The following SETD5 variants were observed in gnomAD, a reference collection of about 807,000 sequenced individuals.
The protein encoded by SETD5 is histone-lysine N-methyltransferase SETD5.
SETD5 carries 44 observed loss-of-function variants against 153.3 expected under a neutral mutation model. That is an observed-to-expected ratio of 0.29 (90% CI 0.23 to 0.37). The LOEUF is 0.37. Among genes scored for constraint, SETD5 ranks in the 10% least tolerant of loss-of-function variants. SETD5 has a pLI of 1.00. For missense variants in SETD5, 1,544 were observed against 1,768.0 expected (o/e 0.87, Z 2.27); for synonymous variants, 716 against 645.2 (o/e 1.11, Z -1.66).
chr3:9,429,609 C>T (rs1293377387), intron 3 of SETD5, among the ~76,000 whole-genome samples: 1 of 150,956 alleles, frequency 6.6e-6, no homozygotes, highest in Non-Finnish European at 1.5e-5. Context: ...TCCAAAGGCC[C>T]AATCCCTAAA....
intron 1 of SETD5, among the ~76,000 whole-genome samples, chr3:9,421,682 A>G (rs2038430880): frequency 6.6e-6 from 1 of 152,204 alleles, no homozygotes; most frequent in African/African-American, 2.4e-5. Context: ...TTGAATAATC[A>G]AGTTCAGAAA....
intron 1 of SETD5, among the ~76,000 whole-genome samples, chr3:9,418,529 A>T (rs1024597076): frequency 2.0e-5 from 3 of 152,162 alleles, no homozygotes; most frequent in Non-Finnish European, 2.9e-5. Context: ...TTTACAGGAC[A>T]TCCAGTCAGT....
chr3:9,469,096 C>T lies in SETD5; in HGVS notation c.2725-1363C>T, dbSNP rs539444698. On this transcript the variant is annotated intron_variant, in intron 18 of 22. Transcript: ENST00000402198. ...GCTTCTTCAGGAAGGGAAAGTCATTCTGTCTTTCAGCTTTCCTACATTTTC... is the reference window on the plus strand; with the variant it reads ...GCTTCTTCAGGAAGGGAAAGTCATTTTGTCTTTCAGCTTTCCTACATTTTC... 3.7e-4 allele frequency among the ~76,000 whole-genome samples: 57 copies of T among 152,240 alleles called. 1 individual carries two copies. The South Asian group carries it at 0.012, about 32-fold the overall frequency.
chr3:9,472,068 G>A (rs990120384), intron 19 of SETD5, among the ~76,000 whole-genome samples: 1 of 152,170 alleles, frequency 6.6e-6, no homozygotes, highest in Admixed American at 6.5e-5. Context: ...AATTGATTTC[G>A]AAGATTGTTG....
At chr3:9,454,622 C>CAAAAAAAAAAAAAAAAAA (rs67028533) in intron 17 of SETD5, among the ~76,000 whole-genome samples, 2 of 57,986 alleles carry the variant, frequency 3.4e-5, no homozygotes, top group Non-Finnish European at 6.3e-5. Context: ...AACTCCGTCT[C>CAAAAAAAAAAAAAAAAAA]AAAAAAAAAA....
intron 18 of SETD5, among the ~76,000 whole-genome samples, chr3:9,467,017 A>G (rs1205194738): frequency 1.3e-5 from 2 of 151,914 alleles, no homozygotes; most frequent in Non-Finnish European, 2.9e-5. Context: ...CAACAGTGAG[A>G]TCCCATCTCT....
intron 1 of SETD5, among the ~76,000 whole-genome samples, chr3:9,417,833 A>T (rs148431962): frequency 6.7e-6 from 1 of 149,184 alleles, no homozygotes; most frequent in Admixed American, 6.7e-5. Context: ...TTTTCCCCAC[A>T]TATTCTAAAA....
At chr3:9,399,827 CAAAAA>C (rs33940536) in intron 1 of SETD5, among the ~76,000 whole-genome samples, 3 of 128,650 alleles carry the variant, frequency 2.3e-5, no homozygotes, top group Non-Finnish European at 3.3e-5. Context: ...AGCACTGGTC[CAAAAA>C]AAAAAAAAAA....
At position 9,448,486 on chromosome 3, in the gene SETD5, G is replaced by T. The variant is rs1366397222; in HGVS notation, c.2202G>T (p.Thr734=). The change falls in exon 16 of 23, where the codon ACG becomes ACT. Residue 734 remains threonine (T), a synonymous_variant. Transcript: ENST00000402198. The stretch of plus-strand genomic sequence containing the variant: ...CAACGGATCCAACTGTACTGGCAAC[G>T]ACCCTAAACATGTTACCAGGTCTTA... ...RITTDPTVLA[T]TLNMLPGLIH... 1 of 1,613,912 alleles carries T rather than the reference G, an allele frequency of 6.2e-7. No individual in the cohort carries two copies.
At chr3:9,433,389 G>C (rs2040195222) in intron 3 of SETD5, 1 of 1,289,774 alleles carries the variant, frequency 7.8e-7, no homozygotes, top group South Asian at 1.2e-5. Flanking sequence ...TCTTGGTAGT[G>C]AATGGAAGAG....
Position 9,435,793 on chromosome 3 carries a change from G to T in SETD5, c.454G>T (p.Ala152Ser). The T allele has an allele frequency of 6.2e-7, 1 of 1,603,274 alleles. No homozygotes were observed. Among genetic ancestry groups the T allele is most frequent in the Non-Finnish European group, 8.5e-7 (1 of 1,174,652 alleles). Reference sequence around the variant, plus strand: ...TTCTCCTTCCACTGTGTTGTATACAGCAACACAGCACACACCTACAAGCAT... The same window carrying T: ...TTCTCCTTCCACTGTGTTGTATACATCAACACAGCACACACCTACAAGCAT... ...ELSPSTVLYT[A>S]TQHTPTSITL... Residue 152 changes from alanine to serine, a missense_variant, in exon 7 of 23, where the codon GCA (alanine) becomes TCA (serine). By Grantham distance (99) the Ala-to-Ser change is moderately conservative. Coordinates refer to ENST00000402198, the MANE Select transcript of SETD5 (RefSeq NM_001080517.3).
Position 9,476,046 on chromosome 3 carries a change from G to A in SETD5, c.4284G>A (p.Gln1428=). The A allele has an allele frequency of 6.2e-7, 1 of 1,613,968 alleles. No individual in the cohort carries two copies. The highest frequency in any genetic ancestry group is 8.5e-7 in the Non-Finnish European group (1 of 1,179,864). ...GSGGVHQYRL[Q]PLQGSGVKTQ... Reference sequence around the variant, plus strand: ...GGGGTGTGCACCAGTACCGACTCCAGCCACTGCAAGGGTCAGGAGTCAAGA... The same window carrying A: ...GGGGTGTGCACCAGTACCGACTCCAACCACTGCAAGGGTCAGGAGTCAAGA... Residue 1428 remains glutamine, a synonymous_variant, in exon 23 of 23, where the codon CAG becomes CAA. Coordinates refer to ENST00000402198, the MANE Select transcript of SETD5 (RefSeq NM_001080517.3).
At chr3:9,462,313 C>T (rs894780713) in intron 17 of SETD5, among the ~76,000 whole-genome samples, 4 of 152,164 alleles carry the variant, frequency 2.6e-5, no homozygotes, top group Non-Finnish European at 4.4e-5. Context: ...TGGAGCCAGG[C>T]GCGGTGGCTC....
intron 1 of SETD5, among the ~76,000 whole-genome samples, chr3:9,410,754 A>G (rs1238108170): frequency 6.6e-6 from 1 of 152,132 alleles, no homozygotes; most frequent in African/African-American, 2.4e-5. Context: ...ATTTTTCACT[A>G]ACTAATATTT....
At chr3:9,471,333 C>T (rs1171258654) in intron 19 of SETD5, among the ~76,000 whole-genome samples, 3 of 152,264 alleles carry the variant, frequency 2.0e-5, no homozygotes, top group African/African-American at 7.2e-5. Context: ...CGTGGTCACA[C>T]AGCTAGTAAA....
intron 8 of SETD5, 58 bp downstream of exon 8, chr3:9,440,756 G>A: frequency 1.3e-6 from 2 of 1,547,386 alleles, no homozygotes; most frequent in Non-Finnish European, 1.7e-6. Flanking sequence ...AACCCAGGAA[G>A]AGGGTAATGG....
chr3:9,461,301 A>G (rs2043928171), intron 17 of SETD5, among the ~76,000 whole-genome samples: 1 of 152,218 alleles, frequency 6.6e-6, no homozygotes, highest in African/African-American at 2.4e-5. Context: ...GCAGTCATTA[A>G]ACCTGAACTG....
intron 18 of SETD5, among the ~76,000 whole-genome samples, chr3:9,468,322 A>G (rs538469282): frequency 8.5e-5 from 13 of 152,286 alleles, no homozygotes; most frequent in African/African-American, 3.1e-4. Context: ...CAGAGATACC[A>G]GGAAGCATTT....
chr3:9,431,165 T>C, intron 3 of SETD5: 2 of 985,476 alleles, frequency 2.0e-6, no homozygotes, highest in African/African-American at 3.5e-5. Flanking sequence ...CATTTATTTT[T>C]GTGTGTGTTT....
Sources: allele counts gnomAD v4.1 joint callset (sites outside exome capture counted in the v4.1 genomes callset), GRCh38; gene constraint gnomAD v4.1.1; transcripts MANE v1.5; gene names NCBI Gene and HGNC (gene_info 2026-07-23, HGNC 2026-07-21).